The following MAMLD1 variants were observed in gnomAD, a reference collection of about 807,000 sequenced individuals.
The protein encoded by MAMLD1 is mastermind like domain containing 1.
Under a neutral mutation model 45.0 loss-of-function variants are expected in MAMLD1, and 14 were observed. The ratio of observed to expected loss-of-function variants is 0.31; its 90% CI spans 0.21 to 0.49. MAMLD1 has a LOEUF of 0.49. Ranked by LOEUF, MAMLD1 falls within the 20% of genes least tolerant of loss-of-function variation. The pLI, the probability that MAMLD1 is intolerant of heterozygous loss-of-function variation, is 0.99. For missense variants in MAMLD1, 543 were observed against 603.6 expected (o/e 0.90, Z 1.05); for synonymous variants, 254 against 247.8 (o/e 1.02, Z -0.24).
rs1176581160 is a variant in MAMLD1 at position 150,412,248 on chromosome X, C to A, written c.-63-33206C>A. On this transcript the variant is annotated intron_variant, in intron 1 of 7. Coordinates refer to ENST00000370401, the MANE Select transcript of MAMLD1 (RefSeq NM_005491.5). ...AGTGTGAGAGGGAAAGATTTCAGTT[C>A]TCCCTGAAATCTCATACCTAACTAA... 1.8e-4 allele frequency among the ~76,000 whole-genome samples: 20 copies of A among 111,008 alleles called. 1 individual carries two copies. Among genetic ancestry groups the A allele is most frequent in the Admixed American group, 1.5e-3 (16 of 10,443 alleles).
At chrX:150,436,293 T>C (rs1281010214) in intron 1 of MAMLD1, among the ~76,000 whole-genome samples, 2 of 111,909 alleles carry the variant, frequency 1.8e-5, no homozygotes, top group African/African-American at 6.5e-5. Flanking sequence ...GAAATTCTTG[T>C]GGACAATATC....
intron 2 of MAMLD1, among the ~76,000 whole-genome samples, chrX:150,446,489 A>G (rs2035491894): frequency 8.9e-6 from 1 of 112,315 alleles, no homozygotes; most frequent in African/African-American, 3.2e-5. Context: ...ACTTTCAGCA[A>G]GTCAGCTTTC....
intron 1 of MAMLD1, among the ~76,000 whole-genome samples, chrX:150,385,277 TACACACACACACACAC>T (rs3066918): frequency 1.1e-5 from 1 of 94,045 alleles, no homozygotes; most frequent in Non-Finnish European, 2.1e-5. Flanking sequence ...TGAACAATAC[TACACACACACACACAC>T]ACACACACAC....
At chrX:150,412,862 C>G (rs1423489011) in intron 1 of MAMLD1, among the ~76,000 whole-genome samples, 1 of 110,144 alleles carries the variant, frequency 9.1e-6, no homozygotes, top group Admixed American at 9.7e-5. Flanking sequence ...GGACTAGAGG[C>G]GCCCACCACC....
At chrX:150,507,271 G>A (rs782236795) in intron 6 of MAMLD1, among the ~76,000 whole-genome samples, 1 of 112,554 alleles carries the variant, frequency 8.9e-6, no homozygotes, top group South Asian at 3.7e-4. Context: ...CCTGGTCACT[G>A]AAACCATTTG....
chrX:150,503,550 C>T, intron 6 of MAMLD1, 33 bp downstream of exon 6: 1 of 878,163 alleles, frequency 1.1e-6, no homozygotes, highest in East Asian at 3.4e-5. Flanking sequence ...TCGCTTTCCT[C>T]ATCTGTCAAC....
chrX:150,503,268 T>C lies in MAMLD1; in HGVS notation c.2041-6T>C, dbSNP rs782351071. The C allele has an allele frequency of 1.7e-6, 2 of 1,209,084 alleles. No individual in the cohort carries two copies. The highest frequency in any genetic ancestry group is 2.2e-5 in the Admixed American group (1 of 46,128). ...AGCTGATGGATTGTTCAATCGGTTG[T>C]TGTAGACTCATGTAGACAAAGCCTG... is the stretch of plus-strand genomic sequence containing the variant. On this transcript the variant is annotated splice_region_variant and splice_polypyrimidine_tract_variant and intron_variant, in intron 5 of 7. Transcript: ENST00000370401.
chrX:150,418,080 G>C (rs2034329104), intron 1 of MAMLD1, among the ~76,000 whole-genome samples: 1 of 110,970 alleles, frequency 9.0e-6, no homozygotes, highest in Non-Finnish European at 1.9e-5. Flanking sequence ...GACTCTTTTT[G>C]GTTGGTAGGC....
intron 7 of MAMLD1, among the ~76,000 whole-genome samples, chrX:150,511,410 C>T (rs73250543): frequency 0.11 from 12,320 of 111,410 alleles, 504 homozygotes; most frequent in Middle Eastern, 0.17. Context: ...CATTACCGTT[C>T]AGTTGAACAA....
intron 5 of MAMLD1, among the ~76,000 whole-genome samples, chrX:150,497,484 C>T (rs1603018707): frequency 9.2e-6 from 1 of 108,732 alleles, no homozygotes; most frequent in African/African-American, 3.4e-5. Flanking sequence ...GGGGTTTCAC[C>T]ATGTCAGCCA....
chrX:150,462,257 C>A (rs1180061707), intron 2 of MAMLD1, among the ~76,000 whole-genome samples: 3 of 112,370 alleles, frequency 2.7e-5, no homozygotes, highest in Non-Finnish European at 5.6e-5. Context: ...CCATAAAAAA[C>A]CAAACTTGAA....
At chrX:150,447,012 G>C (rs1557404821) in intron 2 of MAMLD1, among the ~76,000 whole-genome samples, 1 of 112,402 alleles carries the variant, frequency 8.9e-6, no homozygotes, top group African/African-American at 3.2e-5. Context: ...CTCTTAAAAA[G>C]TGTGGCCAGT....
intron 6 of MAMLD1, chrX:150,504,605 C>T (rs1208343429): frequency 1.9e-6 from 1 of 532,768 alleles, no homozygotes; most frequent in South Asian, 9.6e-5. Context: ...GCAAAACGGA[C>T]GTCGTCCCCT....
intron 7 of MAMLD1, among the ~76,000 whole-genome samples, chrX:150,511,219 G>A (rs150182171): frequency 0.017 from 1,890 of 110,813 alleles, 23 homozygotes; most frequent in Non-Finnish European, 0.027. Flanking sequence ...GTAGATATTG[G>A]CCACAGTAGA....
At chrX:150,378,567 G>A (rs1429447815) in intron 1 of MAMLD1, among the ~76,000 whole-genome samples, 2 of 112,006 alleles carry the variant, frequency 1.8e-5, no homozygotes, top group Non-Finnish European at 3.8e-5. Context: ...AAGATGGTCA[G>A]TGCATTATGC....
At chrX:150,406,190 C>A (rs782270883) in intron 1 of MAMLD1, among the ~76,000 whole-genome samples, 356 of 110,924 alleles carry the variant, frequency 3.2e-3, no homozygotes, top group Non-Finnish European at 5.8e-3. Flanking sequence ...CTCTTTTTAA[C>A]CCTCGCAGCA....
intron 2 of MAMLD1, among the ~76,000 whole-genome samples, chrX:150,451,754 C>T (rs919605180): frequency 2.7e-4 from 30 of 110,911 alleles, no homozygotes; most frequent in Non-Finnish European, 2.5e-4. Context: ...ACCAGATCTC[C>T]AACCCCTAAA....
In MAMLD1 at chrX:150,503,416, C is replaced by G. The variant is rs894087163; in HGVS notation, c.2183C>G (p.Thr728Ser). 8.3e-7 allele frequency: 1 copy of G among 1,212,088 alleles called. No homozygotes were observed. Among genetic ancestry groups the G allele is most frequent in the Non-Finnish European group, 1.1e-6 (1 of 895,488 alleles). ...TTTGCTCATGAGCTGGCCCGAGTCACCTCCTCGTACAGCACCTCAGAGGCA... is the reference window on the plus strand; with the variant it reads ...TTTGCTCATGAGCTGGCCCGAGTCAGCTCCTCGTACAGCACCTCAGAGGCA... ...SSFAHELARV[T>S]SSYSTSEAAP... Residue 728 changes from threonine to serine, a missense_variant, in exon 6 of 8, where the codon ACC becomes AGC. Transcript: ENST00000370401.
At chrX:150,406,191 C>G (rs1363737957) in intron 1 of MAMLD1, among the ~76,000 whole-genome samples, 1 of 110,750 alleles carries the variant, frequency 9.0e-6, no homozygotes, top group African/African-American at 3.3e-5. Context: ...TCTTTTTAAC[C>G]CTCGCAGCAT....
Sources: gnomAD v4.1 joint callset for allele counts (sites outside exome capture counted in the v4.1 genomes callset) on GRCh38, gnomAD v4.1.1 for gene constraint, MANE v1.5 for transcripts, NCBI Gene and HGNC (gene_info 2026-07-23, HGNC 2026-07-21) for gene names.